The following ZFHX3 variants were observed in gnomAD, a reference collection of about 807,000 sequenced individuals.
ZFHX3 encodes the protein zinc finger homeobox 3, also known as zinc finger homeobox protein 3.
A neutral mutation model predicts 279.1 loss-of-function variants in ZFHX3; 42 were observed. The observed-to-expected ratio is 0.15, with a 90% CI of 0.12 to 0.19. The LOEUF (loss-of-function observed/expected upper bound fraction) is 0.19, where lower values mean the gene tolerates loss of function less well. Among genes scored for constraint, ZFHX3 ranks in the 10% least tolerant of loss-of-function variants. The pLI is 1.00. For synonymous variants in ZFHX3, 2,293 were observed against 1,957.8 expected, an observed-to-expected ratio of 1.17 and a Z score of -4.52; for missense variants, 4,981 against 4,754.0, an observed-to-expected ratio of 1.05 and a Z score of -1.40.
intron 2 of ZFHX3, among the ~76,000 whole-genome samples, chr16:72,954,981 G>T (rs893850714): frequency 2.0e-5 from 3 of 152,016 alleles, no homozygotes; most frequent in Admixed American, 6.5e-5. Flanking sequence ...ATGGACCATG[G>T]GGAAAAAAAA....
At chr16:73,290,777 C>T (rs1221362956) in intron 4 of ZFHX3, among the ~76,000 whole-genome samples, 1 of 152,214 alleles carries the variant, frequency 6.6e-6, no homozygotes, top group Admixed American at 6.5e-5. Context: ...CCAGCAGCCT[C>T]TCAGGCTATT....
intron 8 of ZFHX3, chr16:73,092,899 G>A (rs1484869435): frequency 5.8e-6 from 3 of 519,624 alleles, no homozygotes; most frequent in South Asian, 4.2e-5. Flanking sequence ...TGTCCCACGC[G>A]CTCCTGTTTT....
chr16:73,136,585 C>T (rs941570997), intron 6 of ZFHX3, among the ~76,000 whole-genome samples: 4 of 151,554 alleles, frequency 2.6e-5, no homozygotes, highest in African/African-American at 9.7e-5. Flanking sequence ...ATTAGTCAGG[C>T]ATGGTGGTGC....
chr16:73,001,781 C>T (rs1458838375), intron 1 of ZFHX3, among the ~76,000 whole-genome samples: 1 of 151,786 alleles, frequency 6.6e-6, no homozygotes, highest in East Asian at 1.9e-4. Flanking sequence ...GACTGCACCA[C>T]CACGCACTTC....
chr16:73,143,435 G>A (rs1966852763), intron 6 of ZFHX3, among the ~76,000 whole-genome samples: 1 of 152,078 alleles, frequency 6.6e-6, no homozygotes, highest in Non-Finnish European at 1.5e-5. Context: ...TCCTTCACCC[G>A]GACAGCATAT....
At chr16:73,624,403 T>C (rs1342178357) in intron 2 of ZFHX3, among the ~76,000 whole-genome samples, 1 of 151,776 alleles carries the variant, frequency 6.6e-6, no homozygotes, top group Non-Finnish European at 1.5e-5. Context: ...GCTAAGGCAA[T>C]AAGGAGAGAC....
intron 5 of ZFHX3, among the ~76,000 whole-genome samples, chr16:73,156,590 C>CT (rs1967090654): frequency 6.6e-6 from 1 of 152,182 alleles, no homozygotes; most frequent in South Asian, 2.1e-4. Flanking sequence ...GGGTCTCACT[C>CT]TGTCACACAA....
At chr16:73,227,575 G>T (rs991793901) in intron 5 of ZFHX3, among the ~76,000 whole-genome samples, 2 of 152,010 alleles carry the variant, frequency 1.3e-5, no homozygotes, top group East Asian at 3.8e-4. Flanking sequence ...TAGACCGGGC[G>T]CAGTGGCTGA....
At chr16:73,463,384 G>C (rs1469167982) in intron 2 of ZFHX3, among the ~76,000 whole-genome samples, 1 of 152,140 alleles carries the variant, frequency 6.6e-6, no homozygotes, top group Admixed American at 6.5e-5. Context: ...CAAACTCTTA[G>C]CCAGGCTGTC....
At chr16:72,802,028 A>T (rs1378607610) in intron 7 of ZFHX3, among the ~76,000 whole-genome samples, 1 of 152,124 alleles carries the variant, frequency 6.6e-6, no homozygotes, top group Non-Finnish European at 1.5e-5. Flanking sequence ...AATAAAAAAA[A>T]AGCCCTACAG....
chr16:73,071,323 C>A (rs992847001), intron 8 of ZFHX3, among the ~76,000 whole-genome samples: 3 of 151,970 alleles, frequency 2.0e-5, no homozygotes, highest in African/African-American at 7.3e-5. Context: ...AGTCTCCATT[C>A]CACGTTTTCC....
At chr16:73,669,092 C>T (rs748069045) in intron 2 of ZFHX3, among the ~76,000 whole-genome samples, 9 of 145,534 alleles carry the variant, frequency 6.2e-5, no homozygotes, top group South Asian at 2.2e-4. Flanking sequence ...TAAGCTCTGT[C>T]GGCCAGGCTG....
intron 1 of ZFHX3, among the ~76,000 whole-genome samples, chr16:73,747,864 C>T (rs1481186555): frequency 6.6e-6 from 1 of 152,138 alleles, no homozygotes; most frequent in East Asian, 1.9e-4. Context: ...CGACCAGTTG[C>T]ATAGCCTCCA....
In ZFHX3 at chr16:72,788,539, G is replaced by A. The variant is rs1481415749; in HGVS notation, c.9737C>T (p.Ala3246Val). 2 of 1,614,164 alleles carry A rather than the reference G, an allele frequency of 1.2e-6. No homozygotes were observed. Among genetic ancestry groups the A allele is most frequent in the Non-Finnish European group, 1.7e-6 (2 of 1,180,034 alleles). Residue 3246 changes from alanine to valine, a missense_variant, in exon 10 of 10, where the codon GCA (alanine) becomes GTA (valine). Around this residue, in one of 7 missense-constraint regions of ZFHX3, gnomAD observed 1,034 missense variants for 786.0 expected, o/e 1.32. Transcript: ENST00000268489. ...CAGGGGTTCCCCTTTCCCTTTGTGT[G>A]CCTTTTCCTTCTCCTTTACTTTCTC... is the stretch of plus-strand genomic sequence containing the variant. ...DSEKVKEKEK[A>V]HKGKGEPLPV...
chr16:73,411,422 G>A (rs1489832726), intron 3 of ZFHX3, among the ~76,000 whole-genome samples: 8 of 152,274 alleles, frequency 5.3e-5, no homozygotes, highest in Non-Finnish European at 7.4e-5. Flanking sequence ...ATCTTTATCT[G>A]TGGGAATACC....
intron 2 of ZFHX3, among the ~76,000 whole-genome samples, chr16:73,537,847 T>C (rs1215041014): frequency 6.6e-6 from 1 of 152,236 alleles, no homozygotes; most frequent in Non-Finnish European, 1.5e-5. Flanking sequence ...TTTAGGGTCG[T>C]GGCTTTTTTG....
chr16:73,883,096 A>T (rs1597157340), intron 1 of ZFHX3, among the ~76,000 whole-genome samples: 1 of 151,412 alleles, frequency 6.6e-6, no homozygotes, highest in Admixed American at 6.6e-5. Context: ...TAAGGCTGGG[A>T]TATTTGTGGT....
intron 7 of ZFHX3, among the ~76,000 whole-genome samples, chr16:73,110,505 A>G (rs771963957): frequency 1.1e-4 from 17 of 152,210 alleles, no homozygotes; most frequent in Non-Finnish European, 2.4e-4. Flanking sequence ...TTTAAGAAAA[A>G]TTACAAAAAA....
intron 3 of ZFHX3, among the ~76,000 whole-genome samples, chr16:73,394,835 A>G (rs1240464441): frequency 6.6e-6 from 1 of 152,162 alleles, no homozygotes; most frequent in Non-Finnish European, 1.5e-5. Context: ...TCTTACATAT[A>G]CCATATTATG....
Sources: gnomAD v4.1 joint callset for allele counts (sites outside exome capture counted in the v4.1 genomes callset) on GRCh38, gnomAD v4.1.1 for gene constraint, gnomAD v4.1.1 regional missense constraint, MANE v1.5 for transcripts, NCBI Gene and HGNC (gene_info 2026-07-23, HGNC 2026-07-21) for gene names.